The following LAMC2 variants were observed in gnomAD, a reference collection of about 807,000 sequenced individuals.
LAMC2 encodes the protein laminin subunit gamma 2.
A neutral mutation model predicts 140.2 loss-of-function variants in LAMC2; 97 were observed. The ratio of observed to expected loss-of-function variants is 0.69; its 90% CI spans 0.59 to 0.82. The LOEUF is 0.82. LAMC2 is among the 40% of genes least tolerant of loss of function. The pLI, the probability that LAMC2 is intolerant of heterozygous loss-of-function variation, is 0.00. For missense variants in LAMC2, 1,402 were observed against 1,476.1 expected, an observed-to-expected ratio of 0.95 and a Z score of 0.82; for synonymous variants, 513 against 540.2, an observed-to-expected ratio of 0.95 and a Z score of 0.70.
chr1:183,240,291 G>A lies in LAMC2; in HGVS notation c.3229-1G>A. 1 of 1,614,210 alleles carries A rather than the reference G, an allele frequency of 6.2e-7. No homozygotes were observed. The highest frequency in any genetic ancestry group is 1.6e-4 in the Middle Eastern group (1 of 6,062). On this transcript the variant is annotated splice_acceptor_variant, in intron 21 of 22. Coordinates refer to ENST00000264144, the MANE Select transcript of LAMC2 (RefSeq NM_005562.3). LOFTEE classifies it high-confidence loss of function. Reference sequence around the variant, plus strand: ...GCTGGTTTGTGCTTATTTGTCCTCAGGTGATTACAGAAGCCCAGAAGGTTG... The same window carrying A: ...GCTGGTTTGTGCTTATTTGTCCTCAAGTGATTACAGAAGCCCAGAAGGTTG...
At chr1:183,211,865 G>A (rs1295916306) in intron 2 of LAMC2, among the ~76,000 whole-genome samples, 2 of 152,062 alleles carry the variant, frequency 1.3e-5, no homozygotes, top group East Asian at 1.9e-4. Flanking sequence ...AATGCATGTA[G>A]GCTATATCTA....
chr1:183,225,560 A>G (rs750347181), intron 7 of LAMC2, 48 bp from the exon 8 acceptor site: 5 of 1,208,742 alleles, frequency 4.1e-6, no homozygotes, highest in Non-Finnish European at 6.2e-6. Context: ...ACAGGTAGGT[A>G]TGTGGTAAGA....
chr1:183,235,537 C>T (rs146868636), intron 15 of LAMC2, 38 bp from the exon 16 acceptor site: 15 of 1,612,536 alleles, frequency 9.3e-6, no homozygotes, highest in African/African-American at 5.3e-5. Flanking sequence ...AAGCCCTTTG[C>T]GTGAAAACTC....
intron 4 of LAMC2, among the ~76,000 whole-genome samples, chr1:183,219,098 A>G (rs1207631921): frequency 6.6e-6 from 1 of 152,180 alleles, no homozygotes; most frequent in Non-Finnish European, 1.5e-5. Context: ...CCTTAAGTAC[A>G]ACTGTGCTCT....
At chr1:183,208,458 G>A (rs145403091) in intron 2 of LAMC2, among the ~76,000 whole-genome samples, 111 of 152,260 alleles carry the variant, frequency 7.3e-4, no homozygotes, top group African/African-American at 2.4e-3. Flanking sequence ...CATATCCATA[G>A]CCATCCATTT....
At chr1:183,188,713 C>T (rs555177301) in intron 1 of LAMC2, among the ~76,000 whole-genome samples, 102 of 152,274 alleles carry the variant, frequency 6.7e-4, no homozygotes, top group African/African-American at 2.3e-3. Context: ...AATTCATTTG[C>T]CCAGAGATCA....
intron 15 of LAMC2, among the ~76,000 whole-genome samples, chr1:183,234,655 G>C (rs1659898089): frequency 6.6e-6 from 1 of 152,150 alleles, no homozygotes; most frequent in Non-Finnish European, 1.5e-5. Context: ...AGGAGTTGGG[G>C]GTGAGGGTGT....
intron 14 of LAMC2, among the ~76,000 whole-genome samples, chr1:183,233,880 CT>C (rs888309296): frequency 3.5e-5 from 5 of 142,702 alleles, no homozygotes; most frequent in African/African-American, 1.0e-4. Flanking sequence ...TCTATACATA[CT>C]TTTTTTTTCT....
chr1:183,212,153 A>G (rs1659090578), intron 2 of LAMC2, among the ~76,000 whole-genome samples: 1 of 152,206 alleles, frequency 6.6e-6, no homozygotes, highest in African/African-American at 2.4e-5. Flanking sequence ...TACTGCAGGG[A>G]GAGTTTTCTG....
chr1:183,191,649 A>G (rs1658338033), intron 1 of LAMC2, among the ~76,000 whole-genome samples: 1 of 152,130 alleles, frequency 6.6e-6, no homozygotes, highest in Non-Finnish European at 1.5e-5. Context: ...CCTGAGGTCC[A>G]GAGTTCAAGA....
chr1:183,240,698 G>A, intron 22 of LAMC2: 1 of 1,298,120 alleles, frequency 7.7e-7, no homozygotes, highest in Non-Finnish European at 9.8e-7. Context: ...TCCTGCTAAA[G>A]AGTCTGGCCT....
chr1:183,199,799 G>T (rs1658649028), intron 1 of LAMC2, among the ~76,000 whole-genome samples: 2 of 152,148 alleles, frequency 1.3e-5, no homozygotes, highest in African/African-American at 4.8e-5. Context: ...CCTGGAAATA[G>T]ATTTAGGGAG....
chr1:183,234,329 T>G, intron 14 of LAMC2, 38 bp from the exon 15 acceptor site: 1 of 1,544,908 alleles, frequency 6.5e-7, no homozygotes, highest in Non-Finnish European at 8.9e-7. Flanking sequence ...TGCAAAGCCT[T>G]AACCGATTCG....
At chr1:183,241,394 G>A (rs1158293273) in intron 22 of LAMC2, 2 of 855,176 alleles carry the variant, frequency 2.3e-6, no homozygotes, top group African/African-American at 1.8e-5. Context: ...GATGAGAGTA[G>A]GCCTGTGAGA....
intron 15 of LAMC2, 85 bp from the exon 16 acceptor site, chr1:183,235,490 T>G (rs1659925692): frequency 3.4e-6 from 5 of 1,466,926 alleles, no homozygotes; most frequent in Non-Finnish European, 4.7e-6. Flanking sequence ...CCAGCTCCCG[T>G]ACTCTTTGCC....
the LAMC2 span, chr1:183,251,427 A>G: frequency 6.6e-6 from 1 of 152,242 alleles, no homozygotes; most frequent in Admixed American, 6.5e-5. Context: ...TGAAAGAGAC[A>G]TTTCCCAGCC....
chr1:183,226,689 C>A lies in LAMC2; in HGVS notation c.1067-9C>A. 6.2e-7 allele frequency: 1 copy of A among 1,609,790 alleles called. No individual in the cohort carries two copies. Among genetic ancestry groups the A allele is most frequent in the South Asian group, 1.1e-5 (1 of 91,002 alleles). On this transcript the variant is annotated splice_polypyrimidine_tract_variant and intron_variant, in intron 8 of 22. Transcript: ENST00000264144. The stretch of plus-strand genomic sequence containing the variant: ...ACTTGCAACTTCTAACCTGTTCTCT[C>A]GATTGCAGGTACTGGGTACATTGAC...
At chr1:183,211,557 C>T (rs1659070572) in intron 2 of LAMC2, among the ~76,000 whole-genome samples, 2 of 152,212 alleles carry the variant, frequency 1.3e-5, no homozygotes, top group Non-Finnish European at 2.9e-5. Flanking sequence ...GTGGCCAAGG[C>T]TGGAGTGCAG....
rs1660194081 is a variant in LAMC2 at position 183,244,143 on chromosome 1, A to T, written c.*743A>T. 1 of 152,232 alleles carries T rather than the reference A, an allele frequency of 6.6e-6. No individual in the cohort carries two copies. Among genetic ancestry groups the T allele is most frequent in the Non-Finnish European group, 1.5e-5 (1 of 68,056 alleles). 9.4% of individuals were successfully genotyped at this position (152,232 alleles called of 1,614,324 possible). A position where few individuals can be genotyped will look rare whatever the true frequency, so the allele number is the denominator to read the frequency against. ...TAAAGCATTTCCTACCAGCAAAGCAAATGTTGGGAAAGTATTTACTTTTTC... is the reference window on the plus strand; with the variant it reads ...TAAAGCATTTCCTACCAGCAAAGCATATGTTGGGAAAGTATTTACTTTTTC... On this transcript the variant is annotated 3_prime_UTR_variant, in exon 23 of 23. Coordinates refer to ENST00000264144, the MANE Select transcript of LAMC2 (RefSeq NM_005562.3).
Sources: gnomAD v4.1 joint callset for allele counts (sites outside exome capture counted in the v4.1 genomes callset) on GRCh38, gnomAD v4.1.1 for gene constraint, MANE v1.5 for transcripts, NCBI Gene and HGNC (gene_info 2026-07-23, HGNC 2026-07-21) for gene names.